Variants in LIPF observed in about 807,000 individuals in gnomAD.
LIPF encodes the protein lipase F, gastric type, also known as gastric triacylglycerol lipase.
In LIPF, 25 loss-of-function variants were observed where a neutral mutation model predicts 38.0. The ratio of observed to expected loss-of-function variants is 0.66; its 90% CI spans 0.48 to 0.92. The LOEUF is 0.92. Ranked by LOEUF, LIPF falls within the 40% of genes least tolerant of loss-of-function variation. The pLI is 0.00. For missense variants in LIPF, 410 were observed against 469.9 expected (o/e 0.87, Z 1.18); for synonymous variants, 161 against 156.2 (o/e 1.03, Z -0.23).
At chr10:88,666,516 G>T (rs1029403529) in intron 1 of LIPF, among the ~76,000 whole-genome samples, 2 of 152,116 alleles carry the variant, frequency 1.3e-5, no homozygotes, top group Admixed American at 1.3e-4. Flanking sequence ...TATAATCAGT[G>T]ACTACAACAT....
rs757122809 is a variant in LIPF at position 88,670,056 on chromosome 10, C to T, written c.532+110C>T. On this transcript the variant is annotated intron_variant, in intron 5 of 9. Coordinates refer to ENST00000238983, the MANE Select transcript of LIPF (RefSeq NM_004190.4). ...TAATTGCTTTCCATTCATTTAATGC[C>T]TCCAACAACACAATGACATAGGGAC... The T allele has an allele frequency of 5.5e-5, 38 of 687,952 alleles. 1 individual carries two copies. The Middle Eastern group carries it at 7.3e-3, about 133-fold the overall frequency. 42.6% of individuals were successfully genotyped at this position (687,952 alleles called of 1,614,324 possible). A position where few individuals can be genotyped will look rare whatever the true frequency, so the allele number is the denominator to read the frequency against.
In LIPF at chr10:88,678,756, T is replaced by C; in HGVS notation, c.*75T>C. 2 of 966,186 alleles carry C rather than the reference T, an allele frequency of 2.1e-6. No individual in the cohort carries two copies. The highest frequency in any genetic ancestry group is 3.2e-6 in the Non-Finnish European group (2 of 627,388). The allele number at this position is 966,186 out of a possible 1,614,324, so 59.9% of individuals were successfully genotyped here. A position where few individuals can be genotyped will look rare whatever the true frequency, so the allele number is the denominator to read the frequency against. ...CTCATACATAGTATTTTCATAATGT[T>C]TGACATGCAGTGCTTCTTTCTGTAA... On this transcript the variant is annotated 3_prime_UTR_variant, in exon 10 of 10. Transcript: ENST00000238983.
Position 88,671,848 on chromosome 10 carries a change from C to A in LIPF, c.552C>A (p.Thr184=), listed in dbSNP as rs1293633797. 1.7e-5 allele frequency: 28 copies of A among 1,611,906 alleles called. No homozygotes were observed. The highest frequency in any genetic ancestry group is 2.3e-5 in the Non-Finnish European group (27 of 1,179,210). The stretch of plus-strand genomic sequence containing the variant: ...TTTCAGGTTTTATTGCCTTTTCCAC[C>A]AATCCCAGCCTGGCTAAAAGAATCA... ...GTTIGFIAFS[T]NPSLAKRIKT... is the part of the protein sequence containing the mutation. The change falls in exon 6 of 10, where the codon ACC becomes ACA. Residue 184 remains threonine (T), a synonymous_variant. Transcript: ENST00000238983.
intron 5 of LIPF, among the ~76,000 whole-genome samples, chr10:88,670,153 C>T (rs1174816145): frequency 6.6e-6 from 1 of 152,150 alleles, no homozygotes; most frequent in Non-Finnish European, 1.5e-5. Context: ...TGGATTATTA[C>T]CAATAGGGTA....
At chr10:88,669,137 G>T (rs1432092503) in intron 4 of LIPF, 2 of 178,670 alleles carry the variant, frequency 1.1e-5, no homozygotes, top group Non-Finnish European at 2.4e-5. Context: ...TAGGAGGGGT[G>T]GGGAGAGTGA....
intron 9 of LIPF, among the ~76,000 whole-genome samples, 168 bp from the exon 10 acceptor site, chr10:88,678,277 A>C (rs898323418): frequency 1.3e-5 from 2 of 152,220 alleles, no homozygotes; most frequent in South Asian, 2.1e-4. Context: ...TATCTAAAAC[A>C]TATTGCATTC....
chr10:88,668,775 T>TA lies in LIPF; in HGVS notation c.422+24dup. ...CTTTCAGGTAAACAAAAGGGACAAT[T>TA]AAAAATAAACACTGGGCTTTAAAAG... On this transcript the variant is annotated intron_variant, in intron 4 of 9. Coordinates refer to ENST00000238983, the MANE Select transcript of LIPF (RefSeq NM_004190.4). 6.2e-7 allele frequency: 1 copy of TA among 1,604,948 alleles called. No individual in the cohort carries two copies. The highest frequency in any genetic ancestry group is 8.5e-7 in the Non-Finnish European group (1 of 1,172,538).
intron 7 of LIPF, 80 bp downstream of exon 7, chr10:88,673,814 A>G (rs1236168805): frequency 8.6e-7 from 1 of 1,163,612 alleles, no homozygotes; most frequent in Non-Finnish European, 1.3e-6. Flanking sequence ...GTGGTACTTT[A>G]TGAGAACTAG....
chr10:88,673,792 T>C (rs1841642310), intron 7 of LIPF, 58 bp downstream of exon 7: 2 of 1,436,950 alleles, frequency 1.4e-6, no homozygotes, highest in African/African-American at 1.4e-5. Context: ...CTTGTTTCAT[T>C]GCCACTTAGA....
chr10:88,667,732 T>C (rs1212591130), intron 3 of LIPF, 46 bp downstream of exon 3: 1 of 812,060 alleles, frequency 1.2e-6, no homozygotes, highest in Non-Finnish European at 2.0e-6. Flanking sequence ...CTTTTTTCCT[T>C]TCCTTCTTTC....
At chr10:88,677,323 C>G (rs767918069) in intron 9 of LIPF, among the ~76,000 whole-genome samples, 1 of 152,104 alleles carries the variant, frequency 6.6e-6, no homozygotes, top group African/African-American at 2.4e-5. Flanking sequence ...CTACTGGACT[C>G]TAATACTCAT....
chr10:88,666,814 A>C (rs962095152), intron 1 of LIPF, among the ~76,000 whole-genome samples: 7 of 152,250 alleles, frequency 4.6e-5, no homozygotes, highest in Non-Finnish European at 1.0e-4. Flanking sequence ...TATTATAAAC[A>C]ACATTTAAAA....
intron 1 of LIPF, 69 bp from the exon 2 acceptor site, chr10:88,667,218 T>C (rs1478743305): frequency 1.2e-6 from 1 of 839,222 alleles, no homozygotes; most frequent in East Asian, 2.5e-5. Flanking sequence ...AAGGTAAAAT[T>C]GGCATAAAAT....
intron 6 of LIPF, among the ~76,000 whole-genome samples, chr10:88,673,153 T>G (rs1841630155): frequency 6.6e-6 from 1 of 152,198 alleles, no homozygotes. Flanking sequence ...ATACTGAGCC[T>G]CATTGCCTCT....
chr10:88,670,271 T>G (rs1167316621), intron 5 of LIPF, among the ~76,000 whole-genome samples: 2 of 151,876 alleles, frequency 1.3e-5, no homozygotes, highest in Admixed American at 6.6e-5. Context: ...CAGGCTCCTA[T>G]GATGTATCAA....
At chr10:88,670,559 G>A (rs1841579991) in intron 5 of LIPF, among the ~76,000 whole-genome samples, 1 of 152,130 alleles carries the variant, frequency 6.6e-6, no homozygotes, top group African/African-American at 2.4e-5. Flanking sequence ...GGCATCAGAT[G>A]TTCCAGGAAG....
At chr10:88,670,003 G>T in intron 5 of LIPF, 57 bp downstream of exon 5, 7 of 1,098,506 alleles carry the variant, frequency 6.4e-6, no homozygotes, top group Non-Finnish European at 9.6e-6. Context: ...TTTCCCAGTG[G>T]TTATGGTAGG....
At chr10:88,665,654 T>G (rs928631755) in intron 1 of LIPF, 4 of 828,936 alleles carry the variant, frequency 4.8e-6, no homozygotes, top group Middle Eastern at 2.2e-4. Context: ...GTTTGAATGT[T>G]ACAACACTAC....
rs759923798 is a variant in LIPF, at chr10:88,669,927, T to C, written c.513T>C (p.His171=). The C allele has an allele frequency of 1.4e-5, 23 of 1,610,166 alleles. No individual in the cohort carries two copies. The Middle Eastern group carries it at 2.8e-3, about 197-fold the overall frequency. Reference sequence around the variant, plus strand: ...AGAAGCAGCTACACTATGTTGGCCATTCCCAGGGCACCACCATTGGTAAGT... The same window carrying C: ...AGAAGCAGCTACACTATGTTGGCCACTCCCAGGGCACCACCATTGGTAAGT... The part of the protein sequence containing the change: ...TGQKQLHYVG[H]SQGTTIGFIA... The change falls in exon 5 of 10, where the codon CAT becomes CAC. Residue 171 remains histidine, a synonymous_variant. Transcript: ENST00000238983.
Sources: allele counts gnomAD v4.1 joint callset (sites outside exome capture counted in the v4.1 genomes callset), GRCh38; gene constraint gnomAD v4.1.1; transcripts MANE v1.5; gene names NCBI Gene and HGNC (gene_info 2026-07-23, HGNC 2026-07-21).